SEMA3D: variants seen among roughly 807,000 people sequenced by gnomAD.
SEMA3D encodes semaphorin 3D, also known as semaphorin-3D.
Under a neutral mutation model 100.1 loss-of-function variants are expected in SEMA3D, and 84 were observed. The ratio of observed to expected loss-of-function variants is 0.84; its 90% CI spans 0.70 to 1.01. The LOEUF (loss-of-function observed/expected upper bound fraction) is 1.01. SEMA3D is among the 50% of genes least tolerant of loss of function. The probability of loss-of-function intolerance (pLI) is 0.00; values close to 1 mark genes in which losing one functional copy is unlikely to be tolerated. For synonymous variants in SEMA3D, 312 were observed against 320.7 expected (o/e 0.97, Z 0.29); for missense variants, 875 against 934.1 (o/e 0.94, Z 0.82).
chr7:85,173,762 T>C (rs1018309244), intron 1 of SEMA3D, among the ~76,000 whole-genome samples: 8 of 152,098 alleles, frequency 5.3e-5, no homozygotes, highest in Non-Finnish European at 1.0e-4. Flanking sequence ...TGAACTCCAA[T>C]TAAAAAATGG....
At chr7:85,042,133 T>C in intron 10 of SEMA3D, 38 bp downstream of exon 10, 1 of 1,365,878 alleles carries the variant, frequency 7.3e-7, no homozygotes. Flanking sequence ...AATTAGGCAG[T>C]AAGGCCTTTC....
chr7:85,198,995 G>A, the SEMA3D span, among the ~76,000 whole-genome samples: 10 of 151,154 alleles, frequency 6.6e-5, no homozygotes, highest in African/African-American at 1.9e-4. Context: ...TAGTGTTTTC[G>A]TTAACATTAG....
At chr7:85,145,238 A>G (rs1790168455) in intron 2 of SEMA3D, among the ~76,000 whole-genome samples, 1 of 141,470 alleles carries the variant, frequency 7.1e-6, no homozygotes, top group African/African-American at 2.7e-5. Context: ...ATGTAAAACC[A>G]AAAAAAAAAT....
chr7:85,103,160 C>A (rs991923999), intron 3 of SEMA3D, among the ~76,000 whole-genome samples: 7 of 151,950 alleles, frequency 4.6e-5, no homozygotes, highest in African/African-American at 7.2e-5. Flanking sequence ...TCTGCCAAAC[C>A]AAGCAAAGTC....
Position 85,036,767 on chromosome 7 carries a change from C to T in SEMA3D, c.1191+122G>A, listed in dbSNP as rs1016276504. 8 of 728,542 alleles carry T rather than the reference C, an allele frequency of 1.1e-5. No homozygotes were observed. The African/African-American group carries it at 1.3e-4, about 11-fold the overall frequency. 45.1% of individuals were successfully genotyped at this position (728,542 alleles called of 1,614,324 possible). On this transcript the variant is annotated intron_variant, in intron 12 of 18. Transcript: ENST00000284136. ...ATGAAGGATGAAAATGCTAATACTT[C>T]ACTGCAAATAAATGTTATTACAGCA...
rs116229167 is a variant in SEMA3D, at chr7:85,146,293, A to T, written c.-41+7315T>A. The stretch of plus-strand genomic sequence containing the variant: ...TCCTTAGCCAGGAGTGGCGTCTCAC[A>T]TGTGTAATCTCAGCACTTTGGGAGG... On this transcript the variant is annotated intron_variant, in intron 2 of 18. Coordinates refer to ENST00000284136, the MANE Select transcript of SEMA3D (RefSeq NM_001384900.1). Among the ~76,000 whole-genome samples, 362 of 152,156 alleles carry T rather than the reference A, an allele frequency of 2.4e-3. 2 individuals are homozygous for T. The highest frequency in any genetic ancestry group is 8.0e-3 in the African/African-American group (331 of 41,528).
intron 3 of SEMA3D, among the ~76,000 whole-genome samples, chr7:85,110,953 T>C (rs1463603489): frequency 6.6e-6 from 1 of 152,070 alleles, no homozygotes; most frequent in Non-Finnish European, 1.5e-5. Flanking sequence ...TGAGGTCTGT[T>C]AAATTTAATG....
rs917992010 is a variant in SEMA3D, at chr7:85,020,310, C to T, written c.1426G>A (p.Val476Ile). ...TTTGAAATGCTGACAACTTTGAGGA[C>T]AGTTCCAATGTCTGAAAAAATGCAT... ...VMFLGTDIGT[V>I]LKVVSISKEK... Residue 476 changes from valine (V) to isoleucine (I), a missense_variant, in exon 14 of 19, where the codon GTC becomes ATC. By Grantham distance (29) the Val-to-Ile change is conservative (BLOSUM62 3). Coordinates refer to ENST00000284136, the MANE Select transcript of SEMA3D (RefSeq NM_001384900.1). 3 of 1,608,870 alleles carry T rather than the reference C, an allele frequency of 1.9e-6. No individual in the cohort carries two copies. The highest frequency in any genetic ancestry group is 1.3e-5 in the African/African-American group (1 of 74,624).
At chr7:85,036,858 A>G (rs1003548103) in intron 12 of SEMA3D, 31 bp downstream of exon 12, 1 of 1,554,460 alleles carries the variant, frequency 6.4e-7, no homozygotes, top group African/African-American at 1.4e-5. Flanking sequence ...GAGCTTAAGA[A>G]AATAATTTGA....
upstream of SEMA3D, among the ~76,000 whole-genome samples, chr7:85,187,597 A>G (rs368833778): frequency 1.3e-5 from 2 of 152,222 alleles, no homozygotes; most frequent in African/African-American, 4.8e-5. Context: ...CCCTTACGCC[A>G]GACCTACAAA....
At chr7:85,246,192 A>G in the SEMA3D span, among the ~76,000 whole-genome samples, 1 of 152,086 alleles carries the variant, frequency 6.6e-6, no homozygotes, top group Non-Finnish European at 1.5e-5. Context: ...TTATGTTTAC[A>G]ATTTGTGCTT....
chr7:85,230,751 A>G, the SEMA3D span, among the ~76,000 whole-genome samples: 2 of 152,148 alleles, frequency 1.3e-5, no homozygotes, highest in East Asian at 3.9e-4. Flanking sequence ...TAGTTCATCC[A>G]TGCATTAAAA....
intron 2 of SEMA3D, among the ~76,000 whole-genome samples, chr7:85,148,313 C>G (rs1355463571): frequency 6.6e-6 from 1 of 152,042 alleles, no homozygotes; most frequent in Non-Finnish European, 1.5e-5. Flanking sequence ...TACTATTCAT[C>G]TTAATATGAC....
the SEMA3D span, among the ~76,000 whole-genome samples, chr7:85,221,455 C>A: frequency 5.9e-5 from 9 of 151,966 alleles, no homozygotes; most frequent in Non-Finnish European, 1.3e-4. Context: ...TCCATATATT[C>A]TTTTCTGGTG....
At chr7:85,001,689 G>A (rs1789659568) in intron 18 of SEMA3D, among the ~76,000 whole-genome samples, 1 of 152,072 alleles carries the variant, frequency 6.6e-6, no homozygotes, top group Non-Finnish European at 1.5e-5. Flanking sequence ...CTATCAAGTT[G>A]GTGGCACAGC....
At chr7:85,228,765 A>C in the SEMA3D span, among the ~76,000 whole-genome samples, 1 of 152,064 alleles carries the variant, frequency 6.6e-6, no homozygotes, top group East Asian at 1.9e-4. Context: ...GAAAGTCATA[A>C]GAGAATTATG....
chr7:85,083,580 C>T (rs1788123693), intron 4 of SEMA3D, among the ~76,000 whole-genome samples: 2 of 152,122 alleles, frequency 1.3e-5, no homozygotes, highest in African/African-American at 4.8e-5. Flanking sequence ...CGCGGTGGCT[C>T]ACGCCTGTAA....
chr7:85,160,659 T>C (rs1790722244), intron 1 of SEMA3D, among the ~76,000 whole-genome samples: 1 of 151,954 alleles, frequency 6.6e-6, no homozygotes, highest in South Asian at 2.1e-4. Flanking sequence ...GCACCTGGTG[T>C]TCAGACCCAG....
At chr7:85,248,964 T>A in the SEMA3D span, among the ~76,000 whole-genome samples, 3 of 152,134 alleles carry the variant, frequency 2.0e-5, no homozygotes, top group Non-Finnish European at 4.4e-5. Flanking sequence ...TGAACCCAAA[T>A]GTAAACTATG....
Sources: allele counts gnomAD v4.1 joint callset (sites outside exome capture counted in the v4.1 genomes callset), GRCh38; gene constraint gnomAD v4.1.1; transcripts MANE v1.5; gene names NCBI Gene and HGNC (gene_info 2026-07-23, HGNC 2026-07-21).